CNTLN: variants seen among roughly 807,000 people sequenced by gnomAD.
The protein encoded by CNTLN is centlein, centrosomal protein.
CNTLN carries 212 observed loss-of-function variants against 180.0 expected under a neutral mutation model. That is an observed-to-expected ratio of 1.18 (90% CI 1.05 to 1.32). The LOEUF is 1.32. CNTLN is among the 40% of genes most tolerant of loss of function. The probability of loss-of-function intolerance (pLI) is 0.00; values close to 1 mark genes in which losing one functional copy is unlikely to be tolerated. For synonymous variants in CNTLN, 722 were observed against 563.1 expected (o/e 1.28, Z -3.99); for missense variants, 2,095 against 1,610.9 (o/e 1.30, Z -5.14).
chr9:17,513,908 G>C, the CNTLN span, among the ~76,000 whole-genome samples: 1 of 152,134 alleles, frequency 6.6e-6, no homozygotes, highest in Non-Finnish European at 1.5e-5. Flanking sequence ...AATTAGAAAA[G>C]ATGCAAAAGG....
chr9:17,281,726 G>T (rs987183818), intron 6 of CNTLN, among the ~76,000 whole-genome samples: 1 of 152,088 alleles, frequency 6.6e-6, no homozygotes, highest in Non-Finnish European at 1.5e-5. Flanking sequence ...TTGCTATTGT[G>T]AATAGTGCTG....
chr9:17,387,623 C>G (rs1053296768), intron 13 of CNTLN, among the ~76,000 whole-genome samples: 27 of 152,040 alleles, frequency 1.8e-4, no homozygotes, highest in Middle Eastern at 3.4e-3. Flanking sequence ...GTTATGAAGT[C>G]ACAGTATTTC....
intron 12 of CNTLN, among the ~76,000 whole-genome samples, chr9:17,358,111 C>G (rs1284819468): frequency 1.3e-5 from 2 of 151,904 alleles, no homozygotes; most frequent in African/African-American, 4.8e-5. Context: ...AAAAATTTTA[C>G]TCTTAAAGAG....
At chr9:17,508,938 G>A in the CNTLN span, among the ~76,000 whole-genome samples, 2 of 152,186 alleles carry the variant, frequency 1.3e-5, no homozygotes, top group African/African-American at 4.8e-5. Flanking sequence ...CTCTGAATGA[G>A]CAAATAATGT....
intron 2 of CNTLN, chr9:17,166,729 T>A: frequency 3.8e-6 from 1 of 262,956 alleles, no homozygotes; most frequent in Non-Finnish European, 7.9e-6. Context: ...TAAAATTCTA[T>A]AACCAGCCAG....
chr9:17,463,019 G>GT lies in CNTLN; in HGVS notation c.3404+11dup, dbSNP rs1831541107. 9 of 1,542,202 alleles carry GT rather than the reference G, an allele frequency of 5.8e-6. No homozygotes were observed. The highest frequency in any genetic ancestry group is 7.9e-6 in the Non-Finnish European group (9 of 1,135,818). On this transcript the variant is annotated splice_region_variant and intron_variant, in intron 20 of 25. Coordinates refer to ENST00000380647, the MANE Select transcript of CNTLN (RefSeq NM_017738.4). ...ATAAAGGAAATGCATGAAAAGTATG[G>GT]TTTTTGTATTTCTATCCATTGTATT...
At chr9:17,198,224 G>A (rs908771470) in intron 2 of CNTLN, among the ~76,000 whole-genome samples, 5 of 151,908 alleles carry the variant, frequency 3.3e-5, no homozygotes, top group African/African-American at 7.3e-5. Context: ...TGGGTCTTTG[G>A]TGGTTCCATA....
chr9:17,442,656 C>T (rs7872910), intron 18 of CNTLN, among the ~76,000 whole-genome samples: 19,265 of 152,162 alleles, frequency 0.13, 1,488 homozygotes, highest in African/African-American at 0.2. Context: ...GCCTTGGCCT[C>T]TTAAAGTGCT....
intron 2 of CNTLN, among the ~76,000 whole-genome samples, chr9:17,175,594 TC>T (rs1341739821): frequency 1.3e-5 from 2 of 152,210 alleles, no homozygotes; most frequent in African/African-American, 2.4e-5. Context: ...TCCTGCTTTT[TC>T]TTCCTTTTCA....
the CNTLN span, among the ~76,000 whole-genome samples, chr9:17,513,652 G>A: frequency 6.6e-6 from 1 of 151,994 alleles, no homozygotes; most frequent in Non-Finnish European, 1.5e-5. Context: ...AGCTGTGATT[G>A]TGCCACCGCA....
At chr9:17,159,977 T>A (rs1330291872) in intron 2 of CNTLN, among the ~76,000 whole-genome samples, 3 of 152,136 alleles carry the variant, frequency 2.0e-5, no homozygotes, top group Non-Finnish European at 4.4e-5. Flanking sequence ...ACTGCTCAAT[T>A]TTGGGGTAAT....
At chr9:17,526,171 G>A in the CNTLN span, among the ~76,000 whole-genome samples, 4 of 152,072 alleles carry the variant, frequency 2.6e-5, no homozygotes, top group Non-Finnish European at 5.9e-5. Flanking sequence ...TCCTGACCTT[G>A]TGATCCACCC....
chr9:17,342,784 C>T (rs916912640), intron 12 of CNTLN, among the ~76,000 whole-genome samples: 2 of 152,142 alleles, frequency 1.3e-5, no homozygotes, highest in Non-Finnish European at 2.9e-5. Context: ...GATAACCTAG[C>T]CAGCCATCCT....
intron 23 of CNTLN, among the ~76,000 whole-genome samples, chr9:17,476,327 G>C (rs781631227): frequency 3.3e-5 from 5 of 152,086 alleles, no homozygotes; most frequent in African/African-American, 1.2e-4. Flanking sequence ...CAATATTGCA[G>C]TTAGGCCAAC....
At chr9:17,367,075 A>G (rs2083695) in intron 13 of CNTLN, among the ~76,000 whole-genome samples, 127,005 of 152,164 alleles carry the variant, frequency 0.83, 53,202 homozygotes, top group Non-Finnish European at 0.87. Flanking sequence ...ACTTCAAATG[A>G]CTGAAAGAGG....
chr9:17,371,521 G>A (rs939556838), intron 13 of CNTLN, among the ~76,000 whole-genome samples: 1 of 152,092 alleles, frequency 6.6e-6, no homozygotes, highest in Non-Finnish European at 1.5e-5. Context: ...AATGATAGCT[G>A]CAGGCTTTAG....
chr9:17,401,545 A>G (rs558454581), intron 15 of CNTLN, among the ~76,000 whole-genome samples: 2 of 148,814 alleles, frequency 1.3e-5, no homozygotes, highest in Admixed American at 1.3e-4. Flanking sequence ...CTAATTTTTC[A>G]AATTTTTTGT....
chr9:17,211,853 G>C (rs981015165), intron 2 of CNTLN, among the ~76,000 whole-genome samples: 4 of 152,086 alleles, frequency 2.6e-5, no homozygotes, highest in African/African-American at 9.7e-5. Flanking sequence ...TTGGCTCTCT[G>C]TTTGTCTGTT....
chr9:17,500,998 G>C (rs1205940930), intron 25 of CNTLN, among the ~76,000 whole-genome samples: 1 of 152,150 alleles, frequency 6.6e-6, no homozygotes, highest in Non-Finnish European at 1.5e-5. Flanking sequence ...TAAGAGAACT[G>C]ATCATATTCT....
Sources: allele counts gnomAD v4.1 joint callset (sites outside exome capture counted in the v4.1 genomes callset), GRCh38; gene constraint gnomAD v4.1.1; transcripts MANE v1.5; gene names NCBI Gene and HGNC (gene_info 2026-07-23, HGNC 2026-07-21).